The following CSMD1 variants were observed in gnomAD, a reference collection of about 807,000 sequenced individuals.
CSMD1 encodes CUB and Sushi multiple domains 1.
In CSMD1, 213 loss-of-function variants were observed where a neutral mutation model predicts 417.5. That is an observed-to-expected ratio of 0.51 (90% CI 0.46 to 0.57). The LOEUF (loss-of-function observed/expected upper bound fraction) is 0.57, where lower values mean the gene tolerates loss of function less well. CSMD1 is among the 20% of genes least tolerant of loss of function. CSMD1 has a pLI of 0.00. For synonymous variants in CSMD1, 2,862 were observed against 1,736.8 expected (o/e 1.65, Z -16.11); for missense variants, 6,923 against 4,529.7 (o/e 1.53, Z -15.17).
intron 7 of CSMD1, among the ~76,000 whole-genome samples, chr8:3,634,824 T>C (rs1472032176): frequency 6.6e-6 from 1 of 152,104 alleles, no homozygotes; most frequent in East Asian, 1.9e-4. Context: ...CTTAGGCGAT[T>C]CTTGACGTTT....
At chr8:4,277,923 T>G (rs771949708) in intron 3 of CSMD1, among the ~76,000 whole-genome samples, 19 of 152,034 alleles carry the variant, frequency 1.2e-4, no homozygotes, top group Non-Finnish European at 2.5e-4. Context: ...AATTTTTTTG[T>G]ATTTTTAGTG....
chr8:3,689,095 A>G (rs1169642782), intron 7 of CSMD1, among the ~76,000 whole-genome samples: 1 of 152,224 alleles, frequency 6.6e-6, no homozygotes, highest in Non-Finnish European at 1.5e-5. Context: ...TCATCATAAA[A>G]TGAGAAAAAT....
intron 1 of CSMD1, among the ~76,000 whole-genome samples, chr8:4,928,607 G>A (rs140403964): frequency 1.8e-4 from 27 of 152,192 alleles, no homozygotes; most frequent in East Asian, 1.7e-3. Flanking sequence ...ATCCACAAAC[G>A]CGCTGAGAAG....
chr8:4,229,444 C>T (rs1195704750), intron 3 of CSMD1, among the ~76,000 whole-genome samples: 1 of 152,190 alleles, frequency 6.6e-6, no homozygotes, highest in East Asian at 1.9e-4. Context: ...TTTCAACAAC[C>T]TTACAGAAGA....
intron 3 of CSMD1, among the ~76,000 whole-genome samples, chr8:4,212,179 T>TATAC (rs1800354107): frequency 1.4e-5 from 2 of 143,340 alleles, no homozygotes; most frequent in Admixed American, 6.8e-5. Context: ...CCTATTTATA[T>TATAC]ATATATATAT....
At chr8:4,031,677 G>T (rs1797354667) in intron 4 of CSMD1, among the ~76,000 whole-genome samples, 1 of 151,916 alleles carries the variant, frequency 6.6e-6, no homozygotes, top group African/African-American at 2.4e-5. Flanking sequence ...CTTATCACAT[G>T]TTATTACTTA....
At chr8:3,883,827 G>T (rs1450867248) in intron 5 of CSMD1, among the ~76,000 whole-genome samples, 2 of 151,944 alleles carry the variant, frequency 1.3e-5, no homozygotes, top group Non-Finnish European at 2.9e-5. Flanking sequence ...CTGATCAGAG[G>T]AATGAATGCA....
At chr8:3,900,290 C>T (rs113613214) in intron 5 of CSMD1, among the ~76,000 whole-genome samples, 2,341 of 138,820 alleles carry the variant, frequency 0.017, 62 homozygotes, top group African/African-American at 0.059. Flanking sequence ...AGTGCAGCTG[C>T]GTGACACTGT....
chr8:4,462,935 C>T (rs914676856), intron 2 of CSMD1, among the ~76,000 whole-genome samples: 2 of 151,988 alleles, frequency 1.3e-5, no homozygotes, highest in Admixed American at 1.3e-4. Context: ...ACATCAAAAG[C>T]ACAAGAAAAG....
intron 1 of CSMD1, among the ~76,000 whole-genome samples, chr8:4,701,279 A>G (rs1186797136): frequency 1.3e-5 from 2 of 150,296 alleles, no homozygotes; most frequent in Non-Finnish European, 2.9e-5. Context: ...TGATAAGTCA[A>G]CTTCGAAGGC....
intron 3 of CSMD1, among the ~76,000 whole-genome samples, chr8:4,171,527 T>G (rs1797763358): frequency 6.6e-6 from 1 of 151,908 alleles, no homozygotes; most frequent in Non-Finnish European, 1.5e-5. Flanking sequence ...TTTCTTTAGT[T>G]GACACTTAAC....
chr8:4,023,059 C>A (rs1796869179), intron 4 of CSMD1, among the ~76,000 whole-genome samples: 3 of 152,202 alleles, frequency 2.0e-5, no homozygotes, highest in African/African-American at 7.2e-5. Flanking sequence ...TTTCCTGGCT[C>A]TCTTTGCAGT....
chr8:4,574,418 C>G (rs938808971), intron 2 of CSMD1, among the ~76,000 whole-genome samples: 1 of 152,124 alleles, frequency 6.6e-6, no homozygotes, highest in Non-Finnish European at 1.5e-5. Context: ...GAGGCAATGC[C>G]CCACCCTTCT....
intron 3 of CSMD1, among the ~76,000 whole-genome samples, chr8:4,189,888 T>C (rs990632742): frequency 2.0e-4 from 31 of 152,152 alleles, no homozygotes; most frequent in African/African-American, 6.8e-4. Context: ...CCTTGAATCA[T>C]TTCTAAGCCA....
chr8:3,330,824 A>T (rs891302118), intron 23 of CSMD1, among the ~76,000 whole-genome samples: 1 of 152,256 alleles, frequency 6.6e-6, no homozygotes, highest in African/African-American at 2.4e-5. Context: ...TGGATATAGG[A>T]ATGAATTATC....
intron 5 of CSMD1, among the ~76,000 whole-genome samples, chr8:3,794,294 G>A (rs73658269): frequency 3.3e-4 from 50 of 152,044 alleles, no homozygotes; most frequent in Admixed American, 1.3e-3. Context: ...TAGGTGTAGC[G>A]ACTTCAAACT....
chr8:4,407,126 A>G (rs890516121), intron 3 of CSMD1, among the ~76,000 whole-genome samples: 1 of 152,180 alleles, frequency 6.6e-6, no homozygotes, highest in Non-Finnish European at 1.5e-5. Flanking sequence ...GTTACCACAG[A>G]CACCAGATGA....
intron 49 of CSMD1, among the ~76,000 whole-genome samples, chr8:3,055,697 G>A (rs1331366166): frequency 3.3e-5 from 5 of 152,144 alleles, no homozygotes; most frequent in East Asian, 1.9e-4. Context: ...TTCCTCAGTT[G>A]TTTTTTCTTT....
At chr8:4,561,218 A>C (rs913609146) in intron 2 of CSMD1, among the ~76,000 whole-genome samples, 1 of 152,186 alleles carries the variant, frequency 6.6e-6, no homozygotes, top group Non-Finnish European at 1.5e-5. Flanking sequence ...AAAATACAAA[A>C]AAACAAACAG....
Sources: gnomAD v4.1 joint callset for allele counts (sites outside exome capture counted in the v4.1 genomes callset) on GRCh38, gnomAD v4.1.1 for gene constraint, MANE v1.5 for transcripts, NCBI Gene and HGNC (gene_info 2026-07-23, HGNC 2026-07-21) for gene names.